LUZP2: variants seen among roughly 807,000 people sequenced by gnomAD.
LUZP2 encodes leucine zipper protein 2.
Under a neutral mutation model 51.6 loss-of-function variants are expected in LUZP2, and 52 were observed. The ratio of observed to expected loss-of-function variants is 1.01; its 90% CI spans 0.81 to 1.27. The LOEUF (loss-of-function observed/expected upper bound fraction) is 1.27, where lower values mean the gene tolerates loss of function less well. LUZP2 is among the 50% of genes most tolerant of loss of function. The pLI is 0.00. For missense variants in LUZP2, 436 were observed against 395.4 expected (o/e 1.10, Z -0.87); for synonymous variants, 154 against 137.3 (o/e 1.12, Z -0.85).
At chr11:25,029,766 A>G (rs939847584) in intron 9 of LUZP2, among the ~76,000 whole-genome samples, 6 of 147,716 alleles carry the variant, frequency 4.1e-5, no homozygotes, top group Non-Finnish European at 5.9e-5. Context: ...TAATTATTTC[A>G]AGAAGGAAAA....
At chr11:24,644,282 G>A (rs554129405) in intron 1 of LUZP2, among the ~76,000 whole-genome samples, 1 of 152,238 alleles carries the variant, frequency 6.6e-6, no homozygotes, top group East Asian at 1.9e-4. Flanking sequence ...GGATCTGCAT[G>A]CACACTGCTG....
chr11:24,985,051 A>C (rs1420614842), intron 9 of LUZP2, among the ~76,000 whole-genome samples: 1 of 151,678 alleles, frequency 6.6e-6, no homozygotes, highest in Non-Finnish European at 1.5e-5. Context: ...TCTTCTTATA[A>C]ATTTTCGTAT....
intron 1 of LUZP2, among the ~76,000 whole-genome samples, chr11:24,664,156 GA>G (rs1856130114): frequency 6.6e-6 from 1 of 150,512 alleles, no homozygotes; most frequent in African/African-American, 2.5e-5. Context: ...GGAAAGTTTG[GA>G]ACTTCCTAGA....
intron 5 of LUZP2, among the ~76,000 whole-genome samples, chr11:24,794,765 G>T (rs1423666400): frequency 6.6e-6 from 1 of 151,924 alleles, no homozygotes; most frequent in Admixed American, 6.6e-5. Context: ...TTTCTTTCAA[G>T]ACTGAAATGA....
intron 5 of LUZP2, among the ~76,000 whole-genome samples, chr11:24,787,118 C>T (rs1393562667): frequency 8.5e-5 from 13 of 152,130 alleles, no homozygotes; most frequent in African/African-American, 3.1e-4. Flanking sequence ...ATTATTTCAA[C>T]AGCTACGTTT....
chr11:24,669,892 TTAAC>T (rs1407088597), intron 1 of LUZP2, among the ~76,000 whole-genome samples: 1 of 152,066 alleles, frequency 6.6e-6, no homozygotes, highest in African/African-American at 2.4e-5. Flanking sequence ...CAAATTTCCT[TTAAC>T]TATCTTTGGC....
intron 1 of LUZP2, among the ~76,000 whole-genome samples, chr11:24,509,152 T>C (rs965282071): frequency 6.6e-6 from 1 of 152,106 alleles, no homozygotes; most frequent in African/African-American, 2.4e-5. Context: ...CTCAAGACTT[T>C]CCATGTAGGA....
chr11:24,996,151 G>C (rs1158634375), intron 9 of LUZP2, among the ~76,000 whole-genome samples: 2 of 150,752 alleles, frequency 1.3e-5, no homozygotes, highest in Non-Finnish European at 3.0e-5. Context: ...ATTTTTTATT[G>C]AGTGAATTTT....
chr11:24,625,433 T>C (rs1462264579), intron 1 of LUZP2, among the ~76,000 whole-genome samples: 1 of 151,968 alleles, frequency 6.6e-6, no homozygotes, highest in Admixed American at 6.6e-5. Context: ...ATGCTAACTA[T>C]ATAAGGTGAA....
intron 1 of LUZP2, among the ~76,000 whole-genome samples, chr11:24,540,632 T>G (rs1397243956): frequency 6.6e-6 from 1 of 152,110 alleles, no homozygotes; most frequent in Non-Finnish European, 1.5e-5. Flanking sequence ...TTATGTTAGC[T>G]TGAGCAGACT....
intron 1 of LUZP2, among the ~76,000 whole-genome samples, chr11:24,538,246 C>G (rs775675522): frequency 1.3e-5 from 2 of 151,668 alleles, no homozygotes; most frequent in Non-Finnish European, 1.5e-5. Flanking sequence ...TAATAATGAA[C>G]TACTAGATAT....
At chr11:24,752,797 A>G (rs565332292) in intron 4 of LUZP2, among the ~76,000 whole-genome samples, 88 of 152,272 alleles carry the variant, frequency 5.8e-4, no homozygotes, top group Non-Finnish European at 9.3e-4. Context: ...CAAGATGGCC[A>G]AAGTTCCAAT....
chr11:24,659,485 G>A (rs1490017396), intron 1 of LUZP2, among the ~76,000 whole-genome samples: 1 of 151,968 alleles, frequency 6.6e-6, no homozygotes, highest in Non-Finnish European at 1.5e-5. Context: ...ACGAGTTAAT[G>A]CGTGCAGCAC....
Position 24,585,222 on chromosome 11 carries a change from C to T in LUZP2, c.62+87917C>T, listed in dbSNP as rs148613812. 3.4e-4 allele frequency among the ~76,000 whole-genome samples: 52 copies of T among 152,282 alleles called. No individual in the cohort carries two copies. The East Asian group carries it at 8.7e-3, about 25-fold the overall frequency. On this transcript the variant is annotated intron_variant, in intron 1 of 11. Transcript: ENST00000336930. ...CTCTTTCCCTGCCTCATCTTCTATT[C>T]GGTGTTTATTTAACTGACTTGCCTG...
At chr11:25,006,569 C>T (rs566371398) in intron 9 of LUZP2, among the ~76,000 whole-genome samples, 6 of 152,238 alleles carry the variant, frequency 3.9e-5, no homozygotes, top group African/African-American at 1.2e-4. Context: ...TTTAGTCCAG[C>T]GGCCACACTA....
At position 24,604,171 on chromosome 11, in the gene LUZP2, A is replaced by G. The variant is rs1011236491; in HGVS notation, c.62+106866A>G. 7.2e-5 allele frequency among the ~76,000 whole-genome samples: 11 copies of G among 151,992 alleles called. No homozygotes were observed. In the South Asian group the frequency reaches 2.3e-3, roughly 31 times the overall value. On this transcript the variant is annotated intron_variant, in intron 1 of 11. Transcript: ENST00000336930. ...TCTGTGTTATTTTGTATTTTCTGCCATATCTTAACAGTGTAGTCTGCTTTT... is the reference window on the plus strand; with the variant it reads ...TCTGTGTTATTTTGTATTTTCTGCCGTATCTTAACAGTGTAGTCTGCTTTT...
intron 9 of LUZP2, among the ~76,000 whole-genome samples, chr11:25,047,853 C>A (rs750696067): frequency 6.6e-6 from 1 of 152,110 alleles, no homozygotes; most frequent in African/African-American, 2.4e-5. Context: ...TTAAGTTAGA[C>A]CCTATGCCGG....
chr11:24,742,654 C>T (rs1859226220), intron 4 of LUZP2, among the ~76,000 whole-genome samples: 1 of 152,040 alleles, frequency 6.6e-6, no homozygotes, highest in African/African-American at 2.4e-5. Flanking sequence ...TGTCTGTTTA[C>T]TCTGCTGACT....
chr11:24,678,657 G>A (rs2133864659), intron 1 of LUZP2, among the ~76,000 whole-genome samples: 1 of 152,240 alleles, frequency 6.6e-6, no homozygotes, highest in South Asian at 2.1e-4. Flanking sequence ...CCAGGTATCT[G>A]ACATTAAAGC....
Sources: gnomAD v4.1 joint callset for allele counts (sites outside exome capture counted in the v4.1 genomes callset) on GRCh38, gnomAD v4.1.1 for gene constraint, MANE v1.5 for transcripts, NCBI Gene and HGNC (gene_info 2026-07-23, HGNC 2026-07-21) for gene names.